Variants in ADAMTS18 observed in about 807,000 individuals in gnomAD.
ADAMTS18 encodes the protein A disintegrin and metalloproteinase with thrombospondin motifs 18.
In ADAMTS18, 157 loss-of-function variants were observed where a neutral mutation model predicts 165.9. The observed-to-expected ratio is 0.95, with a 90% confidence interval of 0.83 to 1.08. ADAMTS18 has a LOEUF of 1.08. Ranked by LOEUF, ADAMTS18 falls within the 50% of genes least tolerant of loss-of-function variation. ADAMTS18 has a pLI of 0.00. For synonymous variants in ADAMTS18, 782 were observed against 578.2 expected, an observed-to-expected ratio of 1.35 and a Z score of -5.06; for missense variants, 2,040 against 1,534.0, an observed-to-expected ratio of 1.33 and a Z score of -5.51.
At chr16:77,315,027 C>T (rs1358212863) in intron 16 of ADAMTS18, among the ~76,000 whole-genome samples, 2 of 151,094 alleles carry the variant, frequency 1.3e-5, no homozygotes, top group East Asian at 3.9e-4. Flanking sequence ...TGTAGAACAT[C>T]TTGGAATTTA....
intron 3 of ADAMTS18, among the ~76,000 whole-genome samples, chr16:77,402,235 A>C (rs559421796): frequency 6.6e-6 from 1 of 152,202 alleles, no homozygotes; most frequent in South Asian, 2.1e-4. Context: ...GAGATACTCA[A>C]TTTCCTAAGT....
At chr16:77,303,981 G>C (rs2055636747) in intron 16 of ADAMTS18, among the ~76,000 whole-genome samples, 1 of 152,162 alleles carries the variant, frequency 6.6e-6, no homozygotes, top group South Asian at 2.1e-4. Flanking sequence ...AGTGAGCCGA[G>C]ATCACGCAAC....
intron 16 of ADAMTS18, among the ~76,000 whole-genome samples, chr16:77,315,125 G>T (rs2055863825): frequency 6.6e-6 from 1 of 151,904 alleles, no homozygotes; most frequent in African/African-American, 2.4e-5. Flanking sequence ...TACTCTTGGA[G>T]ACTAATCCTT....
intron 3 of ADAMTS18, among the ~76,000 whole-genome samples, chr16:77,418,467 G>C (rs1189313491): frequency 2.0e-5 from 3 of 152,134 alleles, no homozygotes; most frequent in African/African-American, 7.2e-5. Flanking sequence ...AGGGTAGAGA[G>C]GCCTGGAATG....
intron 10 of ADAMTS18, 104 bp from the exon 11 acceptor site, chr16:77,341,903 C>G: frequency 1.1e-6 from 1 of 923,844 alleles, no homozygotes; most frequent in Non-Finnish European, 1.7e-6. Flanking sequence ...TAGCTGAAAT[C>G]AGAGCAATTA....
chr16:77,434,787 G>A lies in ADAMTS18; in HGVS notation c.-92C>T. 1 of 1,137,710 alleles carries A rather than the reference G, an allele frequency of 8.8e-7. No homozygotes were observed. Among genetic ancestry groups the A allele is most frequent in the Non-Finnish European group, 1.1e-6 (1 of 881,136 alleles). The allele number at this position is 1,137,710 out of a possible 1,614,324, so 70.5% of individuals were successfully genotyped here. A position where few individuals can be genotyped will look rare whatever the true frequency, so the allele number is the denominator to read the frequency against. On this transcript the variant is annotated 5_prime_UTR_variant, in exon 1 of 23. Transcript: ENST00000282849. ...ATTCTTTCCGCGGCCCCGGAGCTCG[G>A]CGCCCCAGGTGCGGCTCCAGGTGAG...
At chr16:77,400,135 G>A (rs1038541923) in intron 3 of ADAMTS18, among the ~76,000 whole-genome samples, 12 of 151,926 alleles carry the variant, frequency 7.9e-5, no homozygotes, top group Non-Finnish European at 1.5e-5. Context: ...CCCAATTTGG[G>A]GTCTCATAGA....
At chr16:77,366,904 A>C (rs2056803110) in intron 4 of ADAMTS18, among the ~76,000 whole-genome samples, 1 of 152,192 alleles carries the variant, frequency 6.6e-6, no homozygotes, top group Non-Finnish European at 1.5e-5. Context: ...TTAACTTTTA[A>C]AACTTGTGGC....
chr16:77,311,821 A>G (rs2144617874), intron 16 of ADAMTS18, among the ~76,000 whole-genome samples: 1 of 152,202 alleles, frequency 6.6e-6, no homozygotes, highest in African/African-American at 2.4e-5. Context: ...TTGCTTTCAG[A>G]TAGGTCAAAT....
chr16:77,364,168 T>G lies in ADAMTS18; in HGVS notation c.972+20A>C. 6.2e-7 allele frequency: 1 copy of G among 1,614,016 alleles called. No individual in the cohort carries two copies. The highest frequency in any genetic ancestry group is 8.5e-7 in the Non-Finnish European group (1 of 1,179,942). On this transcript the variant is annotated intron_variant, in intron 5 of 22. Transcript: ENST00000282849. ...TTATTTTCTTTGGAGAGCCAGAAGGTTTGTGACACCCCCGCTTACCATGTT... is the reference window on the plus strand; with the variant it reads ...TTATTTTCTTTGGAGAGCCAGAAGGGTTGTGACACCCCCGCTTACCATGTT...
At chr16:77,302,150 T>C (rs2055596159) in intron 16 of ADAMTS18, among the ~76,000 whole-genome samples, 1 of 152,162 alleles carries the variant, frequency 6.6e-6, no homozygotes, top group African/African-American at 2.4e-5. Flanking sequence ...ATAAATAGTA[T>C]GCTTTCCTGC....
chr16:77,323,629 G>A (rs543563766), intron 13 of ADAMTS18, among the ~76,000 whole-genome samples: 6 of 151,600 alleles, frequency 4.0e-5, no homozygotes, highest in East Asian at 1.9e-4. Flanking sequence ...GAGGAAAGAC[G>A]GGAAAAAACC....
At chr16:77,301,620 G>A (rs759423619) in intron 16 of ADAMTS18, among the ~76,000 whole-genome samples, 3 of 152,148 alleles carry the variant, frequency 2.0e-5, no homozygotes, top group African/African-American at 2.4e-5. Flanking sequence ...TGTCTCCCTC[G>A]GGTGGGATCC....
intron 10 of ADAMTS18, among the ~76,000 whole-genome samples, chr16:77,347,013 G>T (rs1020057140): frequency 6.6e-6 from 1 of 152,126 alleles, no homozygotes; most frequent in African/African-American, 2.4e-5. Flanking sequence ...GTCACCAATA[G>T]GTGAGTGTTG....
intron 3 of ADAMTS18, among the ~76,000 whole-genome samples, chr16:77,405,056 G>A (rs1781989838): frequency 6.6e-6 from 1 of 152,128 alleles, no homozygotes; most frequent in South Asian, 2.1e-4. Context: ...AATTCAGAGT[G>A]ATTTTGGGCA....
At chr16:77,307,673 C>A (rs1407348868) in intron 16 of ADAMTS18, among the ~76,000 whole-genome samples, 1 of 152,226 alleles carries the variant, frequency 6.6e-6, no homozygotes, top group African/African-American at 2.4e-5. Flanking sequence ...TCGAGCCTGA[C>A]TATTCTATCA....
intron 3 of ADAMTS18, among the ~76,000 whole-genome samples, chr16:77,383,785 C>CCTG: frequency 6.6e-6 from 1 of 152,118 alleles, no homozygotes; most frequent in Admixed American, 6.5e-5. Context: ...TCGTGATCCG[C>CCTG]CCTCCTTGAC....
At chr16:77,342,857 C>CA (rs1160994289) in intron 10 of ADAMTS18, among the ~76,000 whole-genome samples, 4 of 152,186 alleles carry the variant, frequency 2.6e-5, no homozygotes, top group Admixed American at 1.3e-4. Flanking sequence ...CTAACATAGT[C>CA]ACAAGAGTCC....
intron 12 of ADAMTS18, 34 bp downstream of exon 12, chr16:77,335,722 C>A (rs1002101713): frequency 1.2e-6 from 2 of 1,613,734 alleles, no homozygotes; most frequent in African/African-American, 1.3e-5. Flanking sequence ...AAGGTTAAGG[C>A]CTTGCAAAGA....
Sources: allele counts gnomAD v4.1 joint callset (sites outside exome capture counted in the v4.1 genomes callset), GRCh38; gene constraint gnomAD v4.1.1; transcripts MANE v1.5; gene names NCBI Gene and HGNC (gene_info 2026-07-23, HGNC 2026-07-21).